Variants in RIMKLB observed in about 807,000 individuals in gnomAD.
RIMKLB encodes ribosomal modification protein rimK like family member B.
RIMKLB carries 7 observed loss-of-function variants against 32.0 expected under a neutral mutation model. The ratio of observed to expected loss-of-function variants is 0.22; its 90% CI spans 0.12 to 0.41. The LOEUF (loss-of-function observed/expected upper bound fraction) is 0.41, where lower values mean the gene tolerates loss of function less well. Among genes scored for constraint, RIMKLB ranks in the 10% least tolerant of loss-of-function variants. The pLI, the probability that RIMKLB is intolerant of heterozygous loss-of-function variation, is 1.00. For missense variants in RIMKLB, 289 were observed against 498.7 expected (o/e 0.58, Z 4.00); for synonymous variants, 172 against 185.1 (o/e 0.93, Z 0.57).
At chr12:8,711,792 A>G (rs973087754) in intron 1 of RIMKLB, among the ~76,000 whole-genome samples, 1 of 152,062 alleles carries the variant, frequency 6.6e-6, no homozygotes, top group Non-Finnish European at 1.5e-5. Flanking sequence ...AGACCTTCCC[A>G]AGTGGCCTGG....
chr12:8,780,800 T>C (rs1287942410), downstream of RIMKLB: 2 of 152,234 alleles, frequency 1.3e-5, no homozygotes, highest in African/African-American at 4.8e-5. Context: ...ATAAATTATA[T>C]GATTGGTACT....
chr12:8,773,836 T>C lies in RIMKLB; in HGVS notation c.*52T>C. On this transcript the variant is annotated 3_prime_UTR_variant, in exon 6 of 6. Coordinates refer to ENST00000535829, the MANE Select transcript of RIMKLB (RefSeq NM_001297776.2). The stretch of plus-strand genomic sequence containing the variant: ...CCTTGTAAAACTTTCTTTCTTCTTT[T>C]CTATTTTTAAAACCAACTTGCAATG... 1 of 1,542,984 alleles carries C rather than the reference T, an allele frequency of 6.5e-7. No individual in the cohort carries two copies. Among genetic ancestry groups the C allele is most frequent in the South Asian group, 1.2e-5 (1 of 80,058 alleles).
At chr12:8,701,849 AC>A (rs1268646585) in intron 1 of RIMKLB, among the ~76,000 whole-genome samples, 5 of 151,948 alleles carry the variant, frequency 3.3e-5, no homozygotes, top group Non-Finnish European at 5.9e-5. Context: ...TACTAAAAAT[AC>A]AAAAATTAGC....
chr12:8,783,079 G>A (rs984360193), exon 8 of RIMKLB: 6 of 152,186 alleles, frequency 3.9e-5, no homozygotes, highest in African/African-American at 1.4e-4. Context: ...AAGACACTAT[G>A]CGCTGGAAAT....
chr12:8,680,812 A>G (rs1438469581), upstream of RIMKLB, among the ~76,000 whole-genome samples: 2 of 152,212 alleles, frequency 1.3e-5, no homozygotes, highest in Non-Finnish European at 2.9e-5. Context: ...CAAAATGCCA[A>G]TTACGGCAGA....
In RIMKLB at chr12:8,749,968, T is replaced by C. The variant is rs377746479; in HGVS notation, c.282T>C (p.His94=). The part of the protein sequence containing the change: ...QSDSDITVLR[H]LEKMGCRLMN... ...ATAGTGACATCACTGTTTTGCGCCA[T>C]CTAGAGAAGATGGGATGTCGGTTAA... is the stretch of plus-strand genomic sequence containing the variant. Residue 94 remains histidine (H), a synonymous_variant, in exon 3 of 6, where the codon CAT becomes CAC. Transcript: ENST00000535829. The C allele has an allele frequency of 8.8e-5, 142 of 1,613,910 alleles. No homozygotes were observed. Among genetic ancestry groups the C allele is most frequent in the Non-Finnish European group, 1.1e-4 (130 of 1,179,908 alleles).
At position 8,776,163 on chromosome 12, in the gene RIMKLB, C is replaced by T. The variant is rs1356338312; in HGVS notation, c.*2379C>T. Reference sequence around the variant, plus strand: ...AGGCATCAGGAAAAATGTAGTTAGTCTTTTCTTAACTTATACCAAATTAAC... The same window carrying T: ...AGGCATCAGGAAAAATGTAGTTAGTTTTTTCTTAACTTATACCAAATTAAC... On this transcript the variant is annotated 3_prime_UTR_variant, in exon 6 of 6. Coordinates refer to ENST00000535829, the MANE Select transcript of RIMKLB (RefSeq NM_001297776.2). 8 of 984,002 alleles carry T rather than the reference C, an allele frequency of 8.1e-6. No individual in the cohort carries two copies. Among genetic ancestry groups the T allele is most frequent in the South Asian group, 4.7e-5 (1 of 21,266 alleles). The allele number at this position is 984,002 out of a possible 1,614,324, so 61.0% of individuals were successfully genotyped here.
chr12:8,706,687 A>G (rs1291900404), intron 1 of RIMKLB, among the ~76,000 whole-genome samples: 1 of 152,008 alleles, frequency 6.6e-6, no homozygotes, highest in Admixed American at 6.6e-5. Context: ...TCCTGACCTC[A>G]GGTGATCCCG....
intron 5 of RIMKLB, among the ~76,000 whole-genome samples, chr12:8,762,206 CGAGAGT>C (rs1480652863): frequency 2.0e-5 from 3 of 151,956 alleles, no homozygotes; most frequent in East Asian, 3.9e-4. Flanking sequence ...GGAGGTGCAG[CGAGAGT>C]GAAAGGTTTG....
intron 5 of RIMKLB, among the ~76,000 whole-genome samples, chr12:8,757,576 T>C (rs1374617860): frequency 6.6e-6 from 1 of 152,218 alleles, no homozygotes; most frequent in East Asian, 1.9e-4. Flanking sequence ...GTTGTCAATA[T>C]AGTTATCTGT....
chr12:8,760,803 G>A (rs1248296828), intron 5 of RIMKLB, among the ~76,000 whole-genome samples: 2 of 151,980 alleles, frequency 1.3e-5, no homozygotes, highest in Non-Finnish European at 2.9e-5. Context: ...TTTTTTTCTT[G>A]TAAATTTGTT....
intron 1 of RIMKLB, among the ~76,000 whole-genome samples, chr12:8,688,922 C>A (rs1942657269): frequency 6.6e-6 from 1 of 151,970 alleles, no homozygotes; most frequent in African/African-American, 2.4e-5. Flanking sequence ...GCAGCCTTGG[C>A]CTCCTGGGTT....
chr12:8,755,052 A>G (rs1341860319), intron 5 of RIMKLB, among the ~76,000 whole-genome samples: 1 of 152,220 alleles, frequency 6.6e-6, no homozygotes, highest in Non-Finnish European at 1.5e-5. Context: ...CATGAGTTCA[A>G]GTGATTCTCC....
intron 5 of RIMKLB, among the ~76,000 whole-genome samples, chr12:8,769,172 A>C (rs1242424905): frequency 6.6e-6 from 1 of 151,988 alleles, no homozygotes; most frequent in Non-Finnish European, 1.5e-5. Flanking sequence ...CAGTTTTGCA[A>C]CCTCAAAGTA....
At chr12:8,670,505 C>T in the RIMKLB span, among the ~76,000 whole-genome samples, 1 of 152,240 alleles carries the variant, frequency 6.6e-6, no homozygotes, top group Non-Finnish European at 1.5e-5. Flanking sequence ...CTCCAGGTCT[C>T]CCATCCAGGC....
chr12:8,716,722 CTTCTT>C (rs1021518050), intron 2 of RIMKLB, among the ~76,000 whole-genome samples: 4 of 126,184 alleles, frequency 3.2e-5, no homozygotes, highest in African/African-American at 9.0e-5. Flanking sequence ...CTTTCTTTTC[CTTCTT>C]TTTTTTTTTT....
intron 2 of RIMKLB, among the ~76,000 whole-genome samples, chr12:8,736,517 C>CTT (rs1157484475): frequency 2.7e-3 from 342 of 126,728 alleles, no homozygotes; most frequent in African/African-American, 4.0e-3. Flanking sequence ...CATGTATTTC[C>CTT]TTTTTTTTTT....
intron 2 of RIMKLB, among the ~76,000 whole-genome samples, chr12:8,748,557 T>TGTGTGTGC (rs1491190533): frequency 2.0e-5 from 2 of 102,058 alleles, no homozygotes; most frequent in Non-Finnish European, 4.6e-5. Flanking sequence ...TGTGTGTGTG[T>TGTGTGTGC]GCATATATAT....
At chr12:8,758,488 C>T (rs186330779) in intron 5 of RIMKLB, among the ~76,000 whole-genome samples, 4 of 152,146 alleles carry the variant, frequency 2.6e-5, no homozygotes, top group Admixed American at 1.3e-4. Context: ...TATTTTCATC[C>T]CAGTCTGTGG....
Sources: allele counts gnomAD v4.1 joint callset (sites outside exome capture counted in the v4.1 genomes callset), GRCh38; gene constraint gnomAD v4.1.1; transcripts MANE v1.5; gene names NCBI Gene and HGNC (gene_info 2026-07-23, HGNC 2026-07-21).